AFAP1L2: variants seen among roughly 807,000 people sequenced by gnomAD.
AFAP1L2 encodes the protein actin filament-associated protein 1-like 2.
Under a neutral mutation model 99.3 loss-of-function variants are expected in AFAP1L2, and 46 were observed. The ratio of observed to expected loss-of-function variants is 0.46; its 90% CI spans 0.37 to 0.59. The LOEUF (loss-of-function observed/expected upper bound fraction) is 0.59. AFAP1L2 is among the 20% of genes least tolerant of loss of function. The pLI, the probability that AFAP1L2 is intolerant of heterozygous loss-of-function variation, is 0.00. For missense variants in AFAP1L2, 959 were observed against 1,034.9 expected (o/e 0.93, Z 1.01); for synonymous variants, 397 against 419.1 (o/e 0.95, Z 0.64).
chr10:114,323,927 A>T (rs552840087), intron 4 of AFAP1L2, among the ~76,000 whole-genome samples: 2 of 152,346 alleles, frequency 1.3e-5, no homozygotes, highest in East Asian at 3.9e-4. Context: ...AGGAATATTT[A>T]GGACAAAGGA....
intron 18 of AFAP1L2, 24 bp from the exon 19 acceptor site, chr10:114,296,092 C>T (rs758915084): frequency 2.0e-5 from 32 of 1,614,120 alleles, no homozygotes; most frequent in Non-Finnish European, 2.6e-5. Flanking sequence ...CAAATACCAG[C>T]ACCCACCCCC....
intron 1 of AFAP1L2, among the ~76,000 whole-genome samples, chr10:114,341,141 G>T (rs1352595217): frequency 6.6e-6 from 1 of 152,228 alleles, no homozygotes; most frequent in Non-Finnish European, 1.5e-5. Flanking sequence ...GCTAGAATGA[G>T]GGTTACTCTC....
At chr10:114,290,334 G>T, downstream of AFAP1L2, 1 of 1,550,620 alleles carries the variant, frequency 6.4e-7, no homozygotes, top group Non-Finnish European at 8.7e-7. Flanking sequence ...GCAAGTGTCG[G>T]GATGGCTGGG....
rs556663089 is a variant in AFAP1L2, at chr10:114,394,866, C to T, written c.16+9574G>A. ...ACATGAGTCTCACCCAGCTCAAGTA[C>T]CTGCCCCTGCTCTCTCAGGAGATTT... On this transcript the variant is annotated intron_variant, in intron 1 of 18. Transcript: ENST00000304129. 4.6e-5 allele frequency among the ~76,000 whole-genome samples: 7 copies of T among 152,276 alleles called. No individual in the cohort carries two copies. In the South Asian group the frequency reaches 1.5e-3, roughly 32 times the overall value.
chr10:114,301,287 C>G, intron 13 of AFAP1L2, 67 bp downstream of exon 13: 1 of 1,310,618 alleles, frequency 7.6e-7, no homozygotes, highest in East Asian at 2.3e-5. Context: ...TCTCTGGCAT[C>G]CAGGTGTTGA....
At chr10:114,392,063 G>C (rs1429063695) in intron 1 of AFAP1L2, among the ~76,000 whole-genome samples, 2 of 152,138 alleles carry the variant, frequency 1.3e-5, no homozygotes, top group African/African-American at 2.4e-5. Context: ...GGATAGCAAT[G>C]TATTGAAGTC....
In AFAP1L2 at chr10:114,360,509, T is replaced by TAGATAGATAGATAGATAGTTAGA. The variant is rs61366681; in HGVS notation, c.17-19779_17-19778insTCTAACTATCTATCTATCTATCT. On this transcript the variant is annotated intron_variant, in intron 1 of 18. Coordinates refer to ENST00000304129, the MANE Select transcript of AFAP1L2 (RefSeq NM_001001936.3). ...TCTAGATAGATAGATAGATAGATAG[T>TAGATAGATAGATAGATAGTTAGA]TAGATAGATAGATAGATAGATAGAT... is the stretch of plus-strand genomic sequence containing the variant. Among the ~76,000 whole-genome samples, 992 of 107,340 alleles carry TAGATAGATAGATAGATAGTTAGA rather than the reference T, an allele frequency of 9.2e-3. 4 individuals carry two copies. The highest frequency in any genetic ancestry group is 0.017 in the Middle Eastern group (4 of 234). The allele number at this position is 107,340 out of a possible 152,430, so 70.4% of individuals were successfully genotyped here.
At chr10:114,354,529 C>T (rs773071161) in intron 1 of AFAP1L2, among the ~76,000 whole-genome samples, 40 of 152,188 alleles carry the variant, frequency 2.6e-4, no homozygotes, top group Admixed American at 7.2e-4. Context: ...ACCGGCCCCA[C>T]CTAAGCCATA....
At chr10:114,286,583 A>AC in the AFAP1L2 span, 1 of 1,352,022 alleles carries the variant, frequency 7.4e-7, no homozygotes, top group Non-Finnish European at 9.9e-7. Flanking sequence ...CCACCACCTA[A>AC]CCATCATTTT....
rs572520161 is a variant in AFAP1L2, at chr10:114,299,194, C to T, written c.2113+66G>A. The T allele has an allele frequency of 2.0e-4, 318 of 1,583,868 alleles. 1 individual carries two copies. The East Asian group carries it at 2.5e-3, about 13-fold the overall frequency. On this transcript the variant is annotated intron_variant, in intron 16 of 18. Coordinates refer to ENST00000304129, the MANE Select transcript of AFAP1L2 (RefSeq NM_001001936.3). ...AAGGTGTGGTGACAGCCAGATCTTC[C>T]GCCAAAAAGTTAAGCCTACACGGCC...
chr10:114,368,223 CAT>C (rs1242326510), intron 1 of AFAP1L2, among the ~76,000 whole-genome samples: 1 of 152,082 alleles, frequency 6.6e-6, no homozygotes, highest in Non-Finnish European at 1.5e-5. Flanking sequence ...TGATCTGACT[CAT>C]ATACAGAATC....
At position 114,300,510 on chromosome 10, in the gene AFAP1L2, C is replaced by G; in HGVS notation, c.1723G>C (p.Asp575His). 1 of 1,614,108 alleles carries G rather than the reference C, an allele frequency of 6.2e-7. No individual in the cohort carries two copies. The highest frequency in any genetic ancestry group is 8.5e-7 in the Non-Finnish European group (1 of 1,180,010). Reference protein sequence around the residue: ...LDNATEALPADSGPGPTPDEP... With the variant: ...LDNATEALPAHSGPGPTPDEP... ...TCTGGGGTGGGACCTGGGCCTGAGT[C>G]TGCCGGGAGGGCCTCAGTTGCATTG... The change falls in exon 14 of 19, where the codon GAC becomes CAC. Residue 575 changes from aspartate to histidine, a missense_variant. Coordinates refer to ENST00000304129, the MANE Select transcript of AFAP1L2 (RefSeq NM_001001936.3).
At chr10:114,285,444 G>A in the AFAP1L2 span, among the ~76,000 whole-genome samples, 1 of 152,208 alleles carries the variant, frequency 6.6e-6, no homozygotes, top group African/African-American at 2.4e-5. Flanking sequence ...CATGCTTGAC[G>A]CATATAAGGG....
chr10:114,378,903 G>A (rs534687693), intron 1 of AFAP1L2, among the ~76,000 whole-genome samples: 2 of 151,376 alleles, frequency 1.3e-5, no homozygotes, highest in East Asian at 2.0e-4. Context: ...CACTCTGATC[G>A]GGACTAAATA....
At chr10:114,319,624 G>C (rs964254226) in intron 5 of AFAP1L2, 2 of 1,289,574 alleles carry the variant, frequency 1.6e-6, no homozygotes, top group Non-Finnish European at 2.0e-6. Context: ...GACTCCAGTG[G>C]GGAGAAATCC....
intron 1 of AFAP1L2, among the ~76,000 whole-genome samples, chr10:114,380,889 T>C (rs533825199): frequency 4.2e-4 from 64 of 152,348 alleles, no homozygotes; most frequent in African/African-American, 1.5e-3. Context: ...ACACAGCTAG[T>C]GGGTATGTAA....
intron 12 of AFAP1L2, 88 bp downstream of exon 12, chr10:114,302,251 C>T: frequency 6.4e-7 from 1 of 1,565,780 alleles, no homozygotes; most frequent in Non-Finnish European, 8.8e-7. Context: ...ACCCTGTGCT[C>T]CCTGCTGCCC....
chr10:114,345,341 CAGGGTCATGCA>C (rs546102054), intron 1 of AFAP1L2, among the ~76,000 whole-genome samples: 183 of 152,204 alleles, frequency 1.2e-3, no homozygotes, highest in Non-Finnish European at 2.4e-3. Context: ...CCTTATTCTG[CAGGGTCATGCA>C]AGGCTGTTCT....
chr10:114,384,326 C>G (rs947860613), intron 1 of AFAP1L2, among the ~76,000 whole-genome samples: 11 of 145,860 alleles, frequency 7.5e-5, no homozygotes, highest in African/African-American at 2.4e-4. Flanking sequence ...GTCTGTCGTC[C>G]CCCCCCCGCT....
Sources: allele counts gnomAD v4.1 joint callset (sites outside exome capture counted in the v4.1 genomes callset), GRCh38; gene constraint gnomAD v4.1.1; transcripts MANE v1.5; gene names NCBI Gene and HGNC (gene_info 2026-07-23, HGNC 2026-07-21).